HTRA3: variants seen among roughly 807,000 people sequenced by gnomAD.
HTRA3 encodes the protein HtrA serine peptidase 3, also known as serine protease HTRA3.
HTRA3 carries 41 observed loss-of-function variants against 43.2 expected under a neutral mutation model. That is an observed-to-expected ratio of 0.95 (90% CI 0.74 to 1.23). The LOEUF is 1.23. HTRA3 is among the 50% of genes most tolerant of loss of function. HTRA3 has a pLI of 0.00. For synonymous variants in HTRA3, 295 were observed against 287.9 expected (o/e 1.02, Z -0.25); for missense variants, 628 against 647.1 (o/e 0.97, Z 0.32).
chr4:8,272,773 C>T (rs13150043), intron 1 of HTRA3, among the ~76,000 whole-genome samples: 45,034 of 152,106 alleles, frequency 0.3, 6,906 homozygotes, highest in South Asian at 0.49. Context: ...GCACAGGACC[C>T]GAGAGCCCTG....
chr4:8,285,455 G>C (rs1712918240), intron 2 of HTRA3, among the ~76,000 whole-genome samples: 2 of 151,980 alleles, frequency 1.3e-5, no homozygotes, highest in Non-Finnish European at 2.9e-5. Context: ...ATCCCTCCAT[G>C]CTTTGTCTCT....
rs139399371 is a variant in HTRA3 at position 8,286,564 on chromosome 4, C to T, written c.489C>T (p.His163=). 1.5e-4 allele frequency: 242 copies of T among 1,613,510 alleles called. 1 individual carries two copies. In the African/African-American group the frequency reaches 3.0e-3, roughly 20 times the overall value. The change falls in exon 3 of 9, where the codon CAC becomes CAT. Residue 163 remains histidine (H), a synonymous_variant. Transcript: ENST00000307358. This position sits in a 1 kb window ranked among gnomAD's most constrained non-coding sequence, Gnocchi z 4.9. ...GCCTGTGTCTCCCTGGCTGCAGACA[C>T]CCGCTGTTTGGCCGCAACGTGCCCC... The part of the protein sequence containing the change: ...AVVHIELFLR[H]PLFGRNVPLS...
In HTRA3 at chr4:8,295,682, T is replaced by A; in HGVS notation, c.1051+1481T>A. The A allele has an allele frequency of 7.0e-7, 1 of 1,419,956 alleles. No individual in the cohort carries two copies. Among genetic ancestry groups the A allele is most frequent in the Non-Finnish European group, 9.2e-7 (1 of 1,084,652 alleles). 88.0% of individuals were successfully genotyped at this position (1,419,956 alleles called of 1,614,324 possible). A position where few individuals can be genotyped will look rare whatever the true frequency, so the allele number is the denominator to read the frequency against. On this transcript the variant is annotated intron_variant, in intron 6 of 8. Coordinates refer to ENST00000307358, the MANE Select transcript of HTRA3 (RefSeq NM_053044.5). The surrounding 1 kb of genome is among the most constrained non-coding windows in gnomAD (Gnocchi z 6.9). ...AACTCACACTTCCACATTGCTTTGC[T>A]GTCTCCTCCCAGCCCCCTCACTGGC...
chr4:8,270,507 A>T (rs1578783199), intron 1 of HTRA3, among the ~76,000 whole-genome samples, 154 bp downstream of exon 1: 1 of 152,354 alleles, frequency 6.6e-6, no homozygotes, highest in East Asian at 1.9e-4. Context: ...TTTCAGATGA[A>T]GAAACTGAGG....
chr4:8,284,585 G>A (rs1409095176), intron 2 of HTRA3, among the ~76,000 whole-genome samples: 1 of 152,242 alleles, frequency 6.6e-6, no homozygotes, highest in African/African-American at 2.4e-5. Flanking sequence ...CCCCGCAGGT[G>A]CCTGGCCCTG....
chr4:8,270,663 T>C (rs1712232836), intron 1 of HTRA3, among the ~76,000 whole-genome samples: 2 of 152,224 alleles, frequency 1.3e-5, no homozygotes, highest in South Asian at 2.1e-4. Flanking sequence ...CCCATTCCCT[T>C]GATCCTTGGA....
At chr4:8,298,341 C>T (rs1713529465) in intron 6 of HTRA3, among the ~76,000 whole-genome samples, 1 of 152,194 alleles carries the variant, frequency 6.6e-6, no homozygotes, top group African/African-American at 2.4e-5. Flanking sequence ...CCATTAAAAA[C>T]ATTTAGGTTA....
Position 8,305,674 on chromosome 4 carries a change from T to C in HTRA3, c.1197-297T>C, listed in dbSNP as rs117445646. 3.9e-4 allele frequency among the ~76,000 whole-genome samples: 60 copies of C among 152,236 alleles called. 2 individuals are homozygous for C. In the East Asian group the frequency reaches 0.011, roughly 29 times the overall value. On this transcript the variant is annotated intron_variant, in intron 8 of 8. Coordinates refer to ENST00000307358, the MANE Select transcript of HTRA3 (RefSeq NM_053044.5). ...GCGTTTCCACATAGGATGGTAGACATGAAAACTGAGGCACAAGGGGACAGA... is the reference window on the plus strand; with the variant it reads ...GCGTTTCCACATAGGATGGTAGACACGAAAACTGAGGCACAAGGGGACAGA...
chr4:8,303,481 C>T (rs1005106664), intron 7 of HTRA3, among the ~76,000 whole-genome samples: 13 of 152,146 alleles, frequency 8.5e-5, no homozygotes, highest in South Asian at 4.1e-4. Context: ...ACTTGAGCTT[C>T]GAGGTTTGAA....
In HTRA3 at chr4:8,296,196, G is replaced by T; in HGVS notation, c.1051+1995G>T. ...GATGATAGTGTCCTCTTCCCTTCTT[G>T]CCTCTCTCTTTCTCCTGAGACAGGA... is the stretch of plus-strand genomic sequence containing the variant. On this transcript the variant is annotated intron_variant, in intron 6 of 8. Transcript: ENST00000307358. This position sits in a 1 kb window ranked among gnomAD's most constrained non-coding sequence, Gnocchi z 5.3. The T allele has an allele frequency of 2.0e-6, 2 of 986,212 alleles. No individual in the cohort carries two copies. Among genetic ancestry groups the T allele is most frequent in the Non-Finnish European group, 2.4e-6 (2 of 830,520 alleles). 61.1% of individuals were successfully genotyped at this position (986,212 alleles called of 1,614,324 possible).
rs1712996364 is a variant in HTRA3 at position 8,286,756 on chromosome 4, C to T, written c.681C>T (p.Asp227=). The T allele has an allele frequency of 6.2e-7, 1 of 1,613,990 alleles. No homozygotes were observed. The highest frequency in any genetic ancestry group is 8.5e-7 in the Non-Finnish European group (1 of 1,179,928). The change falls in exon 3 of 9, where the codon GAC becomes GAT. Residue 227 remains aspartate, a synonymous_variant. Coordinates refer to ENST00000307358, the MANE Select transcript of HTRA3 (RefSeq NM_053044.5). The surrounding 1 kb of genome is among the most constrained non-coding windows in gnomAD (Gnocchi z 4.9). ...ATIKDIDKKS[D]IATIKIHPKK... The stretch of plus-strand genomic sequence containing the variant: ...TCAAAGACATCGACAAGAAGTCGGA[C>T]ATTGCCACCATCAAGATCCATCCCA...
At position 8,270,714 on chromosome 4, in the gene HTRA3, C is replaced by T. The variant is rs1056432461; in HGVS notation, c.385+361C>T. On this transcript the variant is annotated intron_variant, in intron 1 of 8. Transcript: ENST00000307358. ...GGTATTGAGTGAAGGGCACTCTTTC[C>T]TGCCCTAACTCTCCAGCCGGGGTGC... 3.5e-4 allele frequency among the ~76,000 whole-genome samples: 53 copies of T among 152,194 alleles called. 1 individual carries two copies. Among genetic ancestry groups the T allele is most frequent in the African/African-American group, 1.2e-3 (49 of 41,450 alleles).
chr4:8,302,610 A>T, intron 7 of HTRA3, 99 bp downstream of exon 7: 1 of 1,204,120 alleles, frequency 8.3e-7, no homozygotes, highest in Non-Finnish European at 1.2e-6. Context: ...GGCTCCTTGC[A>T]GGTGCCCAGA....
In HTRA3 at chr4:8,306,238, C is replaced by A; in HGVS notation, c.*102C>A. ...GGACCACCGTCGGTCCTCAGCAGGG[C>A]GGCAGCCTCCTCCTGGCTGTCCGGG... On this transcript the variant is annotated 3_prime_UTR_variant, in exon 9 of 9. Coordinates refer to ENST00000307358, the MANE Select transcript of HTRA3 (RefSeq NM_053044.5). This position sits in a 1 kb window ranked among gnomAD's most constrained non-coding sequence, Gnocchi z 8.9. 8.0e-7 allele frequency: 1 copy of A among 1,255,738 alleles called. No individual in the cohort carries two copies. The highest frequency in any genetic ancestry group is 1.1e-6 in the Non-Finnish European group (1 of 932,540). The allele number at this position is 1,255,738 out of a possible 1,614,324, so 77.8% of individuals were successfully genotyped here. A position where few individuals can be genotyped will look rare whatever the true frequency, so the allele number is the denominator to read the frequency against.
chr4:8,291,311 C>T lies in HTRA3; in HGVS notation c.709-59C>T, dbSNP rs960172869. 4 of 1,459,612 alleles carry T rather than the reference C, an allele frequency of 2.7e-6. No individual in the cohort carries two copies. In the Admixed American group the frequency reaches 5.0e-5, roughly 18 times the overall value. 90.4% of individuals were successfully genotyped at this position (1,459,612 alleles called of 1,614,324 possible). ...CCCCCTGCCAGGATCTGACTCCGGTCCCCGCTGAAGGTAGACGGCTAAGCC... is the reference window on the plus strand; with the variant it reads ...CCCCCTGCCAGGATCTGACTCCGGTTCCCGCTGAAGGTAGACGGCTAAGCC... On this transcript the variant is annotated intron_variant, in intron 3 of 8. Transcript: ENST00000307358.
chr4:8,276,142 C>T (rs1712514719), intron 1 of HTRA3, among the ~76,000 whole-genome samples: 1 of 152,236 alleles, frequency 6.6e-6, no homozygotes, highest in Non-Finnish European at 1.5e-5. Flanking sequence ...GTGCATTACC[C>T]TGCTCCAGCA....
At chr4:8,291,962 C>T (rs903981006) in intron 4 of HTRA3, among the ~76,000 whole-genome samples, 165 of 152,334 alleles carry the variant, frequency 1.1e-3, no homozygotes, top group African/African-American at 3.8e-3. Context: ...CCAGCTTTGC[C>T]GCAGCTCAGG....
chr4:8,271,012 A>T (rs771935215), intron 1 of HTRA3, among the ~76,000 whole-genome samples: 1 of 152,194 alleles, frequency 6.6e-6, no homozygotes, highest in Non-Finnish European at 1.5e-5. Flanking sequence ...GGTGCCTCTT[A>T]GGAAAGCAGA....
chr4:8,294,045 T>A (rs1324896802), intron 5 of HTRA3, 42 bp from the exon 6 acceptor site: 1 of 1,410,352 alleles, frequency 7.1e-7, no homozygotes, highest in Non-Finnish European at 9.8e-7. Flanking sequence ...GGGGTTTGCC[T>A]GGGTTCCCCC....
Sources: gnomAD v4.1 joint callset for allele counts (sites outside exome capture counted in the v4.1 genomes callset) on GRCh38, gnomAD v4.1.1 for gene constraint, Gnocchi (gnomAD v3.1) non-coding constraint, MANE v1.5 for transcripts, NCBI Gene and HGNC (gene_info 2026-07-23, HGNC 2026-07-21) for gene names.